The following RFX3 variants were observed in gnomAD, a reference collection of about 807,000 sequenced individuals.
The protein encoded by RFX3 is transcription factor RFX3.
RFX3 carries 14 observed loss-of-function variants against 98.6 expected under a neutral mutation model. That is an observed-to-expected ratio of 0.14 (90% CI 0.09 to 0.22). The LOEUF (loss-of-function observed/expected upper bound fraction) is 0.22. RFX3 is among the 10% of genes least tolerant of loss of function. The pLI, the probability that RFX3 is intolerant of heterozygous loss-of-function variation, is 1.00. For missense variants in RFX3, 639 were observed against 926.9 expected (o/e 0.69, Z 4.03); for synonymous variants, 383 against 328.4 (o/e 1.17, Z -1.80).
chr9:3,448,573 C>A (rs1407684819), intron 1 of RFX3, among the ~76,000 whole-genome samples: 2 of 152,060 alleles, frequency 1.3e-5, no homozygotes. Context: ...ACTGCGGTGG[C>A]GCCATCATAG....
chr9:3,297,226 C>A (rs1460818003), intron 5 of RFX3, among the ~76,000 whole-genome samples: 4 of 151,984 alleles, frequency 2.6e-5, no homozygotes, highest in Non-Finnish European at 5.9e-5. Context: ...ATTATTATAT[C>A]TTTTGCTCTT....
Position 3,288,254 on chromosome 9 carries a change from C to A in RFX3, c.732-4G>T. The A allele has an allele frequency of 6.2e-7, 1 of 1,611,128 alleles. No individual in the cohort carries two copies. On this transcript the variant is annotated splice_polypyrimidine_tract_variant and splice_region_variant and intron_variant, in intron 6 of 16. Coordinates refer to ENST00000617270, the MANE Select transcript of RFX3 (RefSeq NM_001282116.2). The stretch of plus-strand genomic sequence containing the variant: ...GTAGTGGTATTTGGAGTTTCCTCTT[C>A]ATTAATGAACAAGAAACATTAGAAA...
At chr9:3,381,144 A>G (rs968533686) in intron 2 of RFX3, among the ~76,000 whole-genome samples, 1 of 152,050 alleles carries the variant, frequency 6.6e-6, no homozygotes, top group Non-Finnish European at 1.5e-5. Context: ...AAATCAATGA[A>G]CCCATAGGCA....
At chr9:3,518,629 A>G (rs1425656545) in intron 1 of RFX3, among the ~76,000 whole-genome samples, 1 of 152,218 alleles carries the variant, frequency 6.6e-6, no homozygotes, top group East Asian at 1.9e-4. Flanking sequence ...TTTCATTCTG[A>G]TGAAAATGTT....
At chr9:3,408,685 C>G (rs1165429147) in intron 1 of RFX3, among the ~76,000 whole-genome samples, 1 of 151,768 alleles carries the variant, frequency 6.6e-6, no homozygotes, top group Middle Eastern at 3.2e-3. Context: ...GGTATCGAAA[C>G]TTAAGTTGAA....
At chr9:3,392,080 T>C (rs536752327) in intron 2 of RFX3, among the ~76,000 whole-genome samples, 4 of 152,278 alleles carry the variant, frequency 2.6e-5, no homozygotes, top group South Asian at 2.1e-4. Flanking sequence ...CAAACAAAGA[T>C]ACTGAACATC....
chr9:3,517,137 A>G (rs888490450), intron 1 of RFX3, among the ~76,000 whole-genome samples: 2 of 152,182 alleles, frequency 1.3e-5, no homozygotes, highest in African/African-American at 4.8e-5. Context: ...TGTTATTGGC[A>G]TGTTTCCTTC....
intron 1 of RFX3, among the ~76,000 whole-genome samples, chr9:3,474,568 G>GT (rs1849062369): frequency 6.6e-6 from 1 of 152,158 alleles, no homozygotes; most frequent in African/African-American, 2.4e-5. Flanking sequence ...AAAAGGTTTA[G>GT]TATCACTGTC....
At chr9:3,249,877 T>C (rs930491163) in intron 14 of RFX3, among the ~76,000 whole-genome samples, 1 of 152,022 alleles carries the variant, frequency 6.6e-6, no homozygotes. Flanking sequence ...TCATAAATAG[T>C]AGGTCTAGTG....
At chr9:3,293,968 G>A (rs1021933079) in intron 5 of RFX3, among the ~76,000 whole-genome samples, 1 of 152,078 alleles carries the variant, frequency 6.6e-6, no homozygotes, top group Non-Finnish European at 1.5e-5. Context: ...AAGGCACACT[G>A]CAATGATAGT....
chr9:3,317,089 G>T (rs1333967109), intron 4 of RFX3, among the ~76,000 whole-genome samples: 1 of 152,140 alleles, frequency 6.6e-6, no homozygotes, highest in Non-Finnish European at 1.5e-5. Context: ...GAACAAAGCT[G>T]GAGGCATCAT....
chr9:3,483,933 T>G (rs1564160959), intron 1 of RFX3, among the ~76,000 whole-genome samples: 2 of 152,292 alleles, frequency 1.3e-5, no homozygotes, highest in African/African-American at 4.8e-5. Flanking sequence ...CACCACCCCC[T>G]ACTCTAAATC....
rs1817239219 is a variant in RFX3 at position 3,219,548 on chromosome 9, T to C, written c.*5494A>G. 6.6e-6 allele frequency: 1 copy of C among 151,662 alleles called. No individual in the cohort carries two copies. The highest frequency in any genetic ancestry group is 6.6e-5 in the Admixed American group (1 of 15,214). The allele number at this position is 151,662 out of a possible 1,614,324, so 9.4% of individuals were successfully genotyped here. ...CATTTTTCTTTTTAAAAAAACATAT[T>C]ATCAATTATTTCAAATGAAAGGAAA... is the stretch of plus-strand genomic sequence containing the variant. On this transcript the variant is annotated 3_prime_UTR_variant, in exon 17 of 17. Transcript: ENST00000617270.
chr9:3,329,407 C>CAAAAAAAAAAAAAAA (rs1202028884), intron 4 of RFX3, among the ~76,000 whole-genome samples: 5 of 38,132 alleles, frequency 1.3e-4, no homozygotes, highest in Non-Finnish European at 1.4e-4. Flanking sequence ...GACTTCATCT[C>CAAAAAAAAAAAAAAA]AAAAAAAAAA....
intron 2 of RFX3, among the ~76,000 whole-genome samples, chr9:3,361,809 T>C (rs1390074095): frequency 6.6e-6 from 1 of 151,800 alleles, no homozygotes; most frequent in East Asian, 1.9e-4. Flanking sequence ...TAGCTGGACA[T>C]GGTGACACCC....
intron 2 of RFX3, among the ~76,000 whole-genome samples, chr9:3,354,378 A>G (rs764658519): frequency 1.3e-5 from 2 of 151,986 alleles, no homozygotes; most frequent in Non-Finnish European, 2.9e-5. Context: ...CCCCATCTCT[A>G]CCAAAAAACA....
In RFX3 at chr9:3,225,236, C is replaced by A. The variant is rs759291664; in HGVS notation, c.2056G>T (p.Asp686Tyr). Residue 686 changes from aspartate (D) to tyrosine (Y), a missense_variant, in exon 17 of 17, where the codon GAC (aspartate) becomes TAC (tyrosine). Physicochemically the swap from Asp to Tyr is radical, Grantham distance 160 (BLOSUM62 -3). Transcript: ENST00000617270. ...CTTTTGGCTTGAGGCTCTGAAGAGT[C>A]ATCCAGTTCTTCATCCATTTCACTT... The part of the protein sequence containing the change: ...VESEMDEELD[D>Y]SSEPQAKREK... 1 of 1,613,814 alleles carries A rather than the reference C, an allele frequency of 6.2e-7. No homozygotes were observed. Among genetic ancestry groups the A allele is most frequent in the Non-Finnish European group, 8.5e-7 (1 of 1,179,898 alleles).
At chr9:3,514,809 T>C (rs1184718491) in intron 1 of RFX3, among the ~76,000 whole-genome samples, 1 of 152,218 alleles carries the variant, frequency 6.6e-6, no homozygotes, top group East Asian at 1.9e-4. Context: ...TCTAAATTTA[T>C]GGGTTTCCGT....
At chr9:3,240,016 G>A (rs1421663752) in intron 15 of RFX3, among the ~76,000 whole-genome samples, 1 of 152,226 alleles carries the variant, frequency 6.6e-6, no homozygotes, top group Non-Finnish European at 1.5e-5. Context: ...AGACTGGGCT[G>A]AGGTGTCCAC....
Sources: allele counts gnomAD v4.1 joint callset (sites outside exome capture counted in the v4.1 genomes callset), GRCh38; gene constraint gnomAD v4.1.1; transcripts MANE v1.5; gene names NCBI Gene and HGNC (gene_info 2026-07-23, HGNC 2026-07-21).